The following SENP7 variants were observed in gnomAD, a reference collection of about 807,000 sequenced individuals.
SENP7 encodes the protein SUMO specific peptidase 7, also known as sentrin-specific protease 7.
In SENP7, 64 loss-of-function variants were observed where a neutral mutation model predicts 141.2. The ratio of observed to expected loss-of-function variants is 0.45; its 90% CI spans 0.37 to 0.56. The LOEUF is 0.56. Among genes scored for constraint, SENP7 ranks in the 20% least tolerant of loss-of-function variants. The probability of loss-of-function intolerance (pLI) is 0.00; values close to 1 mark genes in which losing one functional copy is unlikely to be tolerated. For missense variants in SENP7, 1,025 were observed against 1,212.2 expected, an observed-to-expected ratio of 0.85 and a Z score of 2.29; for synonymous variants, 382 against 426.4, an observed-to-expected ratio of 0.90 and a Z score of 1.28.
intron 4 of SENP7, among the ~76,000 whole-genome samples, chr3:101,420,755 C>G (rs898052300): frequency 8.6e-5 from 13 of 152,028 alleles, no homozygotes; most frequent in African/African-American, 3.1e-4. Flanking sequence ...GTAACCTGGA[C>G]CTAATCATAT....
intron 22 of SENP7, among the ~76,000 whole-genome samples, chr3:101,328,062 A>G (rs2058950109): frequency 1.3e-5 from 2 of 152,178 alleles, no homozygotes; most frequent in South Asian, 4.1e-4. Flanking sequence ...ATAACTCAAC[A>G]AAGTAAACTA....
At chr3:101,473,141 G>T (rs2064076255) in intron 3 of SENP7, among the ~76,000 whole-genome samples, 1 of 152,144 alleles carries the variant, frequency 6.6e-6, no homozygotes, top group African/African-American at 2.4e-5. Flanking sequence ...ACATTACTGG[G>T]CATTTAGATT....
At chr3:101,421,750 C>T (rs1327546476) in intron 4 of SENP7, among the ~76,000 whole-genome samples, 1 of 152,024 alleles carries the variant, frequency 6.6e-6, no homozygotes, top group Non-Finnish European at 1.5e-5. Context: ...CTTTTTCCCC[C>T]CAAACTAGTA....
chr3:101,363,555 A>G (rs2059956071), intron 10 of SENP7, among the ~76,000 whole-genome samples: 1 of 152,204 alleles, frequency 6.6e-6, no homozygotes, highest in South Asian at 2.1e-4. Flanking sequence ...GTCAATTTAT[A>G]CCCTGCCAAG....
chr3:101,444,898 T>TA (rs1445073608), intron 4 of SENP7, among the ~76,000 whole-genome samples: 1 of 151,112 alleles, frequency 6.6e-6, no homozygotes, highest in Non-Finnish European at 1.5e-5. Flanking sequence ...ATAATAATAA[T>TA]AATAAATGAA....
intron 4 of SENP7, among the ~76,000 whole-genome samples, chr3:101,443,480 T>C (rs2062761589): frequency 6.6e-6 from 1 of 151,586 alleles, no homozygotes; most frequent in African/African-American, 2.4e-5. Context: ...TTTCCAATTC[T>C]GTGAAGAAAG....
At chr3:101,477,501 A>T (rs905959969) in intron 3 of SENP7, among the ~76,000 whole-genome samples, 77 of 152,004 alleles carry the variant, frequency 5.1e-4, no homozygotes, top group African/African-American at 1.8e-3. Context: ...ATTTTAAGTA[A>T]AAAAAACCTA....
intron 11 of SENP7, among the ~76,000 whole-genome samples, chr3:101,354,603 T>G (rs9809589): frequency 6.6e-6 from 1 of 151,948 alleles, no homozygotes; most frequent in Admixed American, 6.6e-5. Flanking sequence ...TTTTCCTAGC[T>G]GCATAGTACT....
At chr3:101,470,847 T>C (rs1052576078) in intron 3 of SENP7, among the ~76,000 whole-genome samples, 4 of 152,164 alleles carry the variant, frequency 2.6e-5, no homozygotes, top group Non-Finnish European at 5.9e-5. Context: ...AGCATTCTTA[T>C]ACACCCTTAA....
chr3:101,502,309 T>C (rs1295530248), intron 1 of SENP7, among the ~76,000 whole-genome samples: 6 of 152,182 alleles, frequency 3.9e-5, no homozygotes, highest in Admixed American at 3.9e-4. Context: ...TTGTTTTGTT[T>C]TGTTTTGTTT....
chr3:101,458,937 C>T lies in SENP7; in HGVS notation c.284+18G>A, dbSNP rs2063451502. 1 of 1,463,318 alleles carries T rather than the reference C, an allele frequency of 6.8e-7. No individual in the cohort carries two copies. Among genetic ancestry groups the T allele is most frequent in the Non-Finnish European group, 9.5e-7 (1 of 1,053,392 alleles). The allele number at this position is 1,463,318 out of a possible 1,614,324, so 90.6% of individuals were successfully genotyped here. On this transcript the variant is annotated intron_variant, in intron 4 of 23. Transcript: ENST00000394095. ...TATAGGTTAAGCCCATACTATGTCG[C>T]ACACACACATATCTTACCTTTCTGG...
At chr3:101,386,527 G>A (rs983219803) in intron 6 of SENP7, among the ~76,000 whole-genome samples, 7 of 152,132 alleles carry the variant, frequency 4.6e-5, no homozygotes, top group Non-Finnish European at 1.0e-4. Context: ...ATCATGCCCT[G>A]AGGCCCAACA....
chr3:101,481,258 G>A (rs1022623884), intron 3 of SENP7, among the ~76,000 whole-genome samples: 1 of 152,044 alleles, frequency 6.6e-6, no homozygotes, highest in Non-Finnish European at 1.5e-5. Context: ...ATGGACAAAC[G>A]GATAAAGAAA....
intron 19 of SENP7, 127 bp downstream of exon 19, chr3:101,331,858 A>C: frequency 2.2e-6 from 2 of 906,136 alleles, no homozygotes; most frequent in East Asian, 5.2e-5. Context: ...CAGATTTTTT[A>C]TTCATCCTGT....
At chr3:101,417,274 CG>C (rs1255415904) in intron 5 of SENP7, among the ~76,000 whole-genome samples, 6 of 151,880 alleles carry the variant, frequency 4.0e-5, no homozygotes, top group Non-Finnish European at 7.4e-5. Context: ...TATACACACA[CG>C]TATATATATG....
chr3:101,472,954 T>G (rs780270467), intron 3 of SENP7, among the ~76,000 whole-genome samples: 5 of 152,194 alleles, frequency 3.3e-5, no homozygotes, highest in Non-Finnish European at 4.4e-5. Flanking sequence ...TGTCCCCTTC[T>G]GTGTCCATGT....
At chr3:101,436,853 A>G (rs1576343896) in intron 4 of SENP7, among the ~76,000 whole-genome samples, 3 of 152,256 alleles carry the variant, frequency 2.0e-5, no homozygotes, top group South Asian at 2.1e-4. Flanking sequence ...TATAACCACT[A>G]TGGAAAACAC....
chr3:101,331,965 A>T lies in SENP7; in HGVS notation c.2698+20T>A. Reference sequence around the variant, plus strand: ...TATTGTCATCATTATTAAAAACACCATCTACGTTATGGATGTCACCTATTG... The same window carrying T: ...TATTGTCATCATTATTAAAAACACCTTCTACGTTATGGATGTCACCTATTG... On this transcript the variant is annotated intron_variant, in intron 19 of 23. Coordinates refer to ENST00000394095, the MANE Select transcript of SENP7 (RefSeq NM_020654.5). 6.2e-7 allele frequency: 1 copy of T among 1,610,476 alleles called. No homozygotes were observed. Among genetic ancestry groups the T allele is most frequent in the Non-Finnish European group, 8.5e-7 (1 of 1,177,644 alleles).
intron 4 of SENP7, among the ~76,000 whole-genome samples, chr3:101,429,207 G>GC (rs1553726659): frequency 6.6e-6 from 1 of 151,794 alleles, no homozygotes; most frequent in Admixed American, 6.6e-5. Context: ...ATTTAAAGTA[G>GC]TTCTTTTTCC....
Sources: gnomAD v4.1 joint callset for allele counts (sites outside exome capture counted in the v4.1 genomes callset) on GRCh38, gnomAD v4.1.1 for gene constraint, MANE v1.5 for transcripts, NCBI Gene and HGNC (gene_info 2026-07-23, HGNC 2026-07-21) for gene names.